The following GLB1L2 variants were observed in gnomAD, a reference collection of about 807,000 sequenced individuals.
The protein encoded by GLB1L2 is galactosidase beta 1 like 2.
A neutral mutation model predicts 84.1 loss-of-function variants in GLB1L2; 68 were observed. The observed-to-expected ratio is 0.81, with a 90% confidence interval of 0.67 to 0.99. The LOEUF is 0.99. GLB1L2 is among the 50% of genes least tolerant of loss of function. The pLI is 0.00. For missense variants in GLB1L2, 762 were observed against 805.6 expected, an observed-to-expected ratio of 0.95 and a Z score of 0.66; for synonymous variants, 290 against 318.0, an observed-to-expected ratio of 0.91 and a Z score of 0.94.
At chr11:134,340,004 A>C (rs141246125) in intron 1 of GLB1L2, among the ~76,000 whole-genome samples, 1 of 152,154 alleles carries the variant, frequency 6.6e-6, no homozygotes, top group African/African-American at 2.4e-5. Context: ...TTAGTCATCA[A>C]CTAATCAAGG....
chr11:134,365,338 G>T (rs567746794), intron 8 of GLB1L2, among the ~76,000 whole-genome samples: 1 of 152,218 alleles, frequency 6.6e-6, no homozygotes, highest in Non-Finnish European at 1.5e-5. Flanking sequence ...CAGATCAGGC[G>T]CGATCCAGCT....
intron 1 of GLB1L2, among the ~76,000 whole-genome samples, chr11:134,336,124 TC>T (rs1249027159): frequency 6.6e-6 from 1 of 152,246 alleles, no homozygotes; most frequent in Non-Finnish European, 1.5e-5. Flanking sequence ...TTGACTCGTG[TC>T]TGCCTGTTAG....
At chr11:134,367,117 T>C in intron 8 of GLB1L2, 140 bp from the exon 9 acceptor site, 1 of 778,830 alleles carries the variant, frequency 1.3e-6, no homozygotes, top group South Asian at 1.6e-5. Context: ...ATGCCCCACC[T>C]CCAAAGACCT....
At chr11:134,345,257 T>TGTG in intron 4 of GLB1L2, 128 bp downstream of exon 4, 1 of 1,163,462 alleles carries the variant, frequency 8.6e-7, no homozygotes, top group Non-Finnish European at 1.2e-6. Flanking sequence ...TGTACTGAAT[T>TGTG]TCCTTTTCAG....
Position 134,342,740 on chromosome 11 carries a change from CTT to C in GLB1L2, c.87-12_87-11del, listed in dbSNP as rs773171117. ...CCGGAGCCTCCAGGCTCCAGAATGTCTTTGTCTTTCCAGGCTGGACTGGAGCA... is the reference window on the plus strand; with the variant it reads ...CCGGAGCCTCCAGGCTCCAGAATGTCTGTCTTTCCAGGCTGGACTGGAGCA... On this transcript the variant is annotated splice_polypyrimidine_tract_variant and intron_variant, in intron 1 of 18. Transcript: ENST00000535456. 6.2e-7 allele frequency: 1 copy of C among 1,611,724 alleles called. No individual in the cohort carries two copies. The highest frequency in any genetic ancestry group is 8.5e-7 in the Non-Finnish European group (1 of 1,178,958).
intron 4 of GLB1L2, chr11:134,347,097 C>T (rs891043397): frequency 7.9e-5 from 40 of 504,210 alleles, no homozygotes; most frequent in South Asian, 1.2e-4. Context: ...TGGAAATGAA[C>T]TTCCACCAGG....
chr11:134,371,232 C>T, intron 13 of GLB1L2, 84 bp downstream of exon 13: 1 of 1,525,872 alleles, frequency 6.6e-7, no homozygotes, highest in Non-Finnish European at 9.0e-7. Context: ...TCAGAATCAG[C>T]TCTTACCAGT....
At chr11:134,367,910 G>GGTGA (rs1943886882) in intron 9 of GLB1L2, among the ~76,000 whole-genome samples, 1 of 152,198 alleles carries the variant, frequency 6.6e-6, no homozygotes, top group Admixed American at 6.5e-5. Flanking sequence ...ACGCCATCCC[G>GGTGA]GCGAGCATCC....
intron 1 of GLB1L2, 122 bp downstream of exon 1, chr11:134,332,269 T>G: frequency 1.6e-6 from 1 of 639,632 alleles, no homozygotes; most frequent in Non-Finnish European, 2.6e-6. Context: ...CCCAGCTGCT[T>G]CTTTCTGGGA....
rs563854435 is a variant in GLB1L2, at chr11:134,368,766, G to A, written c.1012G>A (p.Asp338Asn). 3.1e-6 allele frequency: 5 copies of A among 1,613,752 alleles called. No individual in the cohort carries two copies. The highest frequency in any genetic ancestry group is 4.2e-6 in the Non-Finnish European group (5 of 1,179,882). ...GAMHFHDYKS[D>N]VTSYDYDAVL... ...CATGCACTTCCATGACTACAAGTCAGATGTCACCAGCTATGGCAAGTATTC... is the reference window on the plus strand; with the variant it reads ...CATGCACTTCCATGACTACAAGTCAAATGTCACCAGCTATGGCAAGTATTC... The change falls in exon 10 of 19, where the codon GAT becomes AAT. Residue 338 changes from aspartate to asparagine, a missense_variant. This residue lies in a region of GLB1L2 where 603 missense variants were observed against 611.7 expected (regional missense o/e 0.99). Coordinates refer to ENST00000535456, the MANE Select transcript of GLB1L2 (RefSeq NM_001370461.1).
intron 15 of GLB1L2, among the ~76,000 whole-genome samples, chr11:134,373,231 G>A (rs1943980680): frequency 6.6e-6 from 1 of 152,154 alleles, no homozygotes; most frequent in South Asian, 2.1e-4. Flanking sequence ...CTCCTCAAGA[G>A]GACACATCTC....
chr11:134,364,245 A>T, intron 7 of GLB1L2, 83 bp from the exon 8 acceptor site: 2 of 1,006,244 alleles, frequency 2.0e-6, no homozygotes, highest in Non-Finnish European at 3.0e-6. Context: ...GTGCTGGTGG[A>T]TTGAGAAGGG....
intron 1 of GLB1L2, 128 bp from the exon 2 acceptor site, chr11:134,342,626 A>G (rs1363255225): frequency 2.2e-6 from 2 of 903,834 alleles, no homozygotes; most frequent in African/African-American, 1.7e-5. Context: ...GGCGGAGGGG[A>G]GCTTTTCCCA....
At chr11:134,332,318 A>T (rs1027432301) in intron 1 of GLB1L2, among the ~76,000 whole-genome samples, 171 bp downstream of exon 1, 1 of 151,462 alleles carries the variant, frequency 6.6e-6, no homozygotes, top group Admixed American at 6.6e-5. Context: ...GGCTGCAGGC[A>T]CTCTACTCCT....
In GLB1L2 at chr11:134,342,924, AGGCCTGT is replaced by A. The variant is rs1371930333; in HGVS notation, c.261_267del (p.Cys88Ter). 2 of 1,613,634 alleles carry A rather than the reference AGGCCTGT, an allele frequency of 1.2e-6. No homozygotes were observed. The highest frequency in any genetic ancestry group is 4.5e-5 in the East Asian group (2 of 44,850). ...TGGAGGGACCGCCTGCTGAAGATGA[AGGCCTGT>A]GGCTTGAACACCCTCACCACGTAGG... On this transcript the variant is annotated frameshift_variant, in exon 2 of 19. Transcript: ENST00000535456. LOFTEE classifies it high-confidence loss of function.
chr11:134,367,223 C>T (rs374263924), intron 8 of GLB1L2, 34 bp from the exon 9 acceptor site: 1 of 1,576,356 alleles, frequency 6.3e-7, no homozygotes, highest in Non-Finnish European at 8.7e-7. Flanking sequence ...GTCTGGCCAG[C>T]CTGCTTGTCT....
At chr11:134,343,272 C>T (rs944430581) in intron 2 of GLB1L2, among the ~76,000 whole-genome samples, 1 of 152,156 alleles carries the variant, frequency 6.6e-6, no homozygotes, top group African/African-American at 2.4e-5. Flanking sequence ...GTTTATACAG[C>T]CAGTGAACGG....
In GLB1L2 at chr11:134,369,853, T is replaced by C. The variant is rs1242957699; in HGVS notation, c.1076T>C (p.Met359Thr). The change falls in exon 11 of 19, where the codon ATG becomes ACG. Residue 359 changes from methionine to threonine, a missense_variant. Transcript: ENST00000535456. The part of the protein sequence containing the change: ...TEAGDYTAKY[M>T]KLRDFFGSIS... ...GCCGGCGATTACACGGCCAAGTACA[T>C]GAAGCTTCGAGACTTCTTCGGCTCC... 6.2e-7 allele frequency: 1 copy of C among 1,613,706 alleles called. No individual in the cohort carries two copies. The highest frequency in any genetic ancestry group is 1.7e-5 in the Admixed American group (1 of 59,998).
intron 1 of GLB1L2, among the ~76,000 whole-genome samples, chr11:134,340,274 G>A (rs975246139): frequency 2.0e-5 from 3 of 148,446 alleles, no homozygotes; most frequent in Non-Finnish European, 4.5e-5. Flanking sequence ...TAAAAACAGT[G>A]ATATTTTGTG....
Sources: gnomAD v4.1 joint callset for allele counts (sites outside exome capture counted in the v4.1 genomes callset) on GRCh38, gnomAD v4.1.1 for gene constraint, gnomAD v4.1.1 regional missense constraint, MANE v1.5 for transcripts, NCBI Gene and HGNC (gene_info 2026-07-23, HGNC 2026-07-21) for gene names.